Variants in SLC36A4 observed in about 807,000 individuals in gnomAD.
The protein encoded by SLC36A4 is solute carrier family 36 member 4, also known as neutral amino acid uniporter 4.
Under a neutral mutation model 50.5 loss-of-function variants are expected in SLC36A4, and 49 were observed. The observed-to-expected ratio is 0.97, with a 90% CI of 0.77 to 1.23. The LOEUF (loss-of-function observed/expected upper bound fraction) is 1.23. Ranked by LOEUF, SLC36A4 falls within the 50% of genes most tolerant of loss-of-function variation. The probability of loss-of-function intolerance (pLI) is 0.00; values close to 1 mark genes in which losing one functional copy is unlikely to be tolerated. For synonymous variants in SLC36A4, 207 were observed against 206.5 expected (o/e 1.00, Z -0.02); for missense variants, 611 against 608.4 (o/e 1.00, Z -0.05).
At chr11:93,193,810 T>C (rs1194670967) in intron 1 of SLC36A4, among the ~76,000 whole-genome samples, 1 of 152,180 alleles carries the variant, frequency 6.6e-6, no homozygotes, top group Non-Finnish European at 1.5e-5. Flanking sequence ...ATTAAAGTCT[T>C]AAAAATGTTT....
intron 6 of SLC36A4, among the ~76,000 whole-genome samples, chr11:93,173,842 T>A (rs1315485047): frequency 3.0e-5 from 4 of 131,866 alleles, no homozygotes; most frequent in African/African-American, 1.1e-4. Flanking sequence ...CTGTTTTGGT[T>A]ACTGTAGCCT....
At chr11:93,175,325 G>C (rs1861406573) in intron 6 of SLC36A4, among the ~76,000 whole-genome samples, 3 of 150,976 alleles carry the variant, frequency 2.0e-5, no homozygotes. Flanking sequence ...GCGTCTATTT[G>C]ATTCTTCTCT....
rs746309777 is a variant in SLC36A4 at position 93,185,811 on chromosome 11, A to G, written c.59T>C (p.Met20Thr). 1.9e-6 allele frequency: 3 copies of G among 1,578,538 alleles called. No individual in the cohort carries two copies. The highest frequency in any genetic ancestry group is 1.7e-6 in the Non-Finnish European group (2 of 1,171,108). ...ATTTATCAAGGGCCTCATTACATCC[A>G]TATCTTTAAAAAAGAAAAACAAAGT... is the stretch of plus-strand genomic sequence containing the variant. ...AGAARREELD[M>T]DVMRPLINEQ... Residue 20 changes from methionine to threonine, a missense_variant, in exon 2 of 11, where the codon ATG becomes ACG. Physicochemically the swap from Met to Thr is moderately conservative, Grantham distance 81. Transcript: ENST00000326402.
chr11:93,174,065 C>A (rs1191056034), intron 6 of SLC36A4, among the ~76,000 whole-genome samples: 3 of 151,074 alleles, frequency 2.0e-5, no homozygotes. Flanking sequence ...GATATTGATT[C>A]TTCCTACCCA....
At chr11:93,166,263 A>AC in intron 7 of SLC36A4, 1 of 1,185,844 alleles carries the variant, frequency 8.4e-7, no homozygotes, top group Non-Finnish European at 1.0e-6. Context: ...GCTCCTGATT[A>AC]CCTGCTTCCA....
At chr11:93,156,881 C>T (rs923987803) in intron 9 of SLC36A4, among the ~76,000 whole-genome samples, 1 of 152,138 alleles carries the variant, frequency 6.6e-6, no homozygotes, top group Admixed American at 6.6e-5. Context: ...TCAATTTTCA[C>T]TTTTGTTGCA....
intron 9 of SLC36A4, chr11:93,159,722 G>A (rs1252788829): frequency 5.9e-6 from 4 of 677,154 alleles, no homozygotes; most frequent in Non-Finnish European, 7.3e-6. Context: ...TACATGTACA[G>A]TATTACTCAT....
intron 6 of SLC36A4, among the ~76,000 whole-genome samples, chr11:93,174,016 G>T (rs1055046390): frequency 6.7e-6 from 1 of 149,756 alleles, no homozygotes; most frequent in Non-Finnish European, 1.5e-5. Context: ...GGATGGCATT[G>T]AATCTGTAAA....
Position 93,148,446 on chromosome 11 carries a change from C to T in SLC36A4, c.*91G>A, listed in dbSNP as rs1010951776. ...TGCCAAAGAAAACAGAGTTTGTTAC[C>T]ATTTTTATGTATATAGCAATGTATT... is the stretch of plus-strand genomic sequence containing the variant. On this transcript the variant is annotated 3_prime_UTR_variant, in exon 11 of 11. Coordinates refer to ENST00000326402, the MANE Select transcript of SLC36A4 (RefSeq NM_152313.4). 2.7e-6 allele frequency: 3 copies of T among 1,113,748 alleles called. No homozygotes were observed. In the African/African-American group the frequency reaches 4.8e-5, roughly 18 times the overall value. The allele number at this position is 1,113,748 out of a possible 1,614,324, so 69.0% of individuals were successfully genotyped here.
intron 7 of SLC36A4, 188 bp from the exon 8 acceptor site, chr11:93,166,204 C>T (rs1294173251): frequency 5.3e-6 from 7 of 1,333,322 alleles, no homozygotes; most frequent in Non-Finnish European, 6.7e-6. Context: ...GATTTCACTG[C>T]CAAAAGCAAT....
intron 6 of SLC36A4, among the ~76,000 whole-genome samples, chr11:93,177,767 A>AT (rs1299862286): frequency 1.3e-5 from 2 of 152,064 alleles, no homozygotes; most frequent in Non-Finnish European, 2.9e-5. Context: ...GCTGTATGAG[A>AT]TATCAGTTGG....
intron 9 of SLC36A4, chr11:93,154,644 G>A (rs1040854833): frequency 6.5e-6 from 1 of 152,732 alleles, no homozygotes; most frequent in African/African-American, 2.4e-5. Context: ...CTTAAATCCT[G>A]AGTCATACCC....
At chr11:93,190,960 A>C (rs1012721793) in intron 1 of SLC36A4, among the ~76,000 whole-genome samples, 33 of 152,222 alleles carry the variant, frequency 2.2e-4, no homozygotes, top group African/African-American at 7.5e-4. Context: ...AGGTAAAGCA[A>C]TCAGGTTTTA....
intron 6 of SLC36A4, chr11:93,179,999 A>G: frequency 1.5e-6 from 1 of 679,372 alleles, no homozygotes; most frequent in Non-Finnish European, 1.8e-6. Context: ...AAGAACCTAC[A>G]CACAGGTTCT....
At chr11:93,182,975 TCACGTGCAGTGAATAA>T (rs1179098913) in intron 3 of SLC36A4, 81 bp from the exon 4 acceptor site, 1 of 928,544 alleles carries the variant, frequency 1.1e-6, no homozygotes, top group African/African-American at 1.7e-5. Context: ...AATGGATTAT[TCACGTGCAGTGAATAA>T]ATATTTGTTG....
rs564820764 is a variant in SLC36A4 at position 93,150,196 on chromosome 11, C to A, written c.1208-1352G>T. Among the ~76,000 whole-genome samples, 6 of 152,130 alleles carry A rather than the reference C, an allele frequency of 3.9e-5. No homozygotes were observed. The South Asian group carries it at 1.2e-3, about 32-fold the overall frequency. On this transcript the variant is annotated intron_variant, in intron 10 of 10. Coordinates refer to ENST00000326402, the MANE Select transcript of SLC36A4 (RefSeq NM_152313.4). ...AATAACACCTGTGTTTGCTCATATA[C>A]AGGCTGTGACAAGTACATCACCACT...
rs182012634 is a variant in SLC36A4 at position 93,194,994 on chromosome 11, G to A, written c.55+2784C>T. 4.7e-4 allele frequency among the ~76,000 whole-genome samples: 71 copies of A among 152,134 alleles called. No individual in the cohort carries two copies. The East Asian group carries it at 0.013, about 27-fold the overall frequency. On this transcript the variant is annotated intron_variant, in intron 1 of 10. Transcript: ENST00000326402. The stretch of plus-strand genomic sequence containing the variant: ...ATCTATTGCTGTATAACAATTTATG[G>A]CTATTGTCCGGAGCCCTCAGTTTTG...
Position 93,177,776 on chromosome 11 carries a change from G to A in SLC36A4, c.540+3021C>T, listed in dbSNP as rs1180821855. ...GACCCGGCTGTATGAGATATCAGTT[G>A]GCCCCTACTGGGAGGCGTCTCCCAG... On this transcript the variant is annotated intron_variant, in intron 6 of 10. Coordinates refer to ENST00000326402, the MANE Select transcript of SLC36A4 (RefSeq NM_152313.4). Among the ~76,000 whole-genome samples the A allele has an allele frequency of 2.6e-5, 4 of 152,160 alleles. No homozygotes were observed. In the East Asian group the frequency reaches 7.7e-4, roughly 29 times the overall value.
chr11:93,173,272 C>G (rs369287225), intron 6 of SLC36A4, among the ~76,000 whole-genome samples: 1 of 149,912 alleles, frequency 6.7e-6, no homozygotes, highest in Non-Finnish European at 1.5e-5. Flanking sequence ...TCATGTCCTT[C>G]GCCCACTTTT....
Sources: allele counts gnomAD v4.1 joint callset (sites outside exome capture counted in the v4.1 genomes callset), GRCh38; gene constraint gnomAD v4.1.1; transcripts MANE v1.5; gene names NCBI Gene and HGNC (gene_info 2026-07-23, HGNC 2026-07-21).